Variants in HIRA observed in about 807,000 individuals in gnomAD.
HIRA encodes the protein protein HIRA.
Under a neutral mutation model 126.6 loss-of-function variants are expected in HIRA, and 13 were observed. The observed-to-expected ratio is 0.10, with a 90% CI of 0.07 to 0.16. The LOEUF is 0.16. Among genes scored for constraint, HIRA ranks in the 10% least tolerant of loss-of-function variants. The pLI, the probability that HIRA is intolerant of heterozygous loss-of-function variation, is 1.00. For synonymous variants in HIRA, 511 were observed against 520.0 expected, an observed-to-expected ratio of 0.98 and a Z score of 0.24; for missense variants, 834 against 1,314.4, an observed-to-expected ratio of 0.63 and a Z score of 5.65.
chr22:19,400,980 G>C (rs139478367), intron 5 of HIRA, among the ~76,000 whole-genome samples: 2 of 152,164 alleles, frequency 1.3e-5, no homozygotes, highest in Non-Finnish European at 2.9e-5. Context: ...TACTGATGCT[G>C]CCGTCCCCTC....
At chr22:19,338,611 G>A (rs1556006693) in intron 24 of HIRA, among the ~76,000 whole-genome samples, 11 of 152,168 alleles carry the variant, frequency 7.2e-5, no homozygotes. Context: ...TGAGGGTAAA[G>A]GGGTGAAAAA....
At chr22:19,336,576 G>C (rs1249183950) in intron 24 of HIRA, among the ~76,000 whole-genome samples, 2 of 152,334 alleles carry the variant, frequency 1.3e-5, no homozygotes, top group Non-Finnish European at 2.9e-5. Context: ...AGCATAACCA[G>C]CATTTGAGAA....
chr22:19,383,785 T>C, intron 12 of HIRA, 80 bp from the exon 13 acceptor site: 1 of 1,103,608 alleles, frequency 9.1e-7, no homozygotes, highest in East Asian at 2.4e-5. Flanking sequence ...AGTCTCTTTT[T>C]TTCCTGGTGA....
chr22:19,392,424 C>T (rs2089190737), intron 8 of HIRA, among the ~76,000 whole-genome samples: 1 of 152,152 alleles, frequency 6.6e-6, no homozygotes, highest in Admixed American at 6.5e-5. Flanking sequence ...TGCGGAGGCA[C>T]CAAATGAGTA....
intron 1 of HIRA, among the ~76,000 whole-genome samples, chr22:19,413,332 C>A (rs2089368919): frequency 6.6e-6 from 1 of 152,184 alleles, no homozygotes; most frequent in Non-Finnish European, 1.5e-5. Flanking sequence ...TGGCATTAAA[C>A]ATCATGGGCT....
rs1556004481 is a variant in HIRA, at chr22:19,331,260, C to T, written c.*180G>A. On this transcript the variant is annotated 3_prime_UTR_variant, in exon 25 of 25. Coordinates refer to ENST00000263208, the MANE Select transcript of HIRA (RefSeq NM_003325.4). ...GAGCTTCCCCCTCCTGAGGCAATGT[C>T]AGACCCAGGACACAGGGCACATCTG... 2 of 1,529,250 alleles carry T rather than the reference C, an allele frequency of 1.3e-6. No individual in the cohort carries two copies. Among genetic ancestry groups the T allele is most frequent in the East Asian group, 2.5e-5 (1 of 40,514 alleles). The allele number at this position is 1,529,250 out of a possible 1,614,324, so 94.7% of individuals were successfully genotyped here.
At chr22:19,353,032 A>C (rs1181609409) in intron 23 of HIRA, among the ~76,000 whole-genome samples, 1 of 152,262 alleles carries the variant, frequency 6.6e-6, no homozygotes, top group African/African-American at 2.4e-5. Flanking sequence ...GATTAGCAGC[A>C]CTGCCAAGTT....
At chr22:19,415,034 C>T (rs1003460183) in intron 1 of HIRA, among the ~76,000 whole-genome samples, 4 of 152,182 alleles carry the variant, frequency 2.6e-5, no homozygotes, top group Admixed American at 6.5e-5. Context: ...CAACCTCTAC[C>T]TCCTAAGTTC....
intron 5 of HIRA, among the ~76,000 whole-genome samples, chr22:19,402,832 G>A (rs1184238677): frequency 6.6e-6 from 1 of 152,174 alleles, no homozygotes; most frequent in Non-Finnish European, 1.5e-5. Context: ...TAGGACAGGT[G>A]TGGTGGCTTA....
intron 24 of HIRA, among the ~76,000 whole-genome samples, chr22:19,338,833 C>T (rs746737006): frequency 1.3e-5 from 2 of 152,160 alleles, no homozygotes; most frequent in Admixed American, 6.5e-5. Flanking sequence ...TAGTACTCAA[C>T]GTAAGAAATG....
At chr22:19,343,115 G>A (rs1320079426) in intron 24 of HIRA, among the ~76,000 whole-genome samples, 1 of 152,010 alleles carries the variant, frequency 6.6e-6, no homozygotes, top group Non-Finnish European at 1.5e-5. Flanking sequence ...AAGAGGGTGA[G>A]TGATAAAAGA....
intron 9 of HIRA, 148 bp downstream of exon 9, chr22:19,391,953 C>T (rs886375978): frequency 4.2e-6 from 2 of 477,922 alleles, no homozygotes; most frequent in Non-Finnish European, 7.6e-6. Context: ...AGCAGGAGAG[C>T]CTGTGAGCTT....
At chr22:19,375,420 T>C (rs550580903) in intron 15 of HIRA, among the ~76,000 whole-genome samples, 2 of 152,326 alleles carry the variant, frequency 1.3e-5, no homozygotes, top group Non-Finnish European at 2.9e-5. Flanking sequence ...TCCTCCCCCA[T>C]GACTCCTTCC....
chr22:19,349,558 A>G (rs531341765), intron 24 of HIRA, among the ~76,000 whole-genome samples: 1 of 152,348 alleles, frequency 6.6e-6, no homozygotes, highest in African/African-American at 2.4e-5. Context: ...CAAAACACCA[A>G]GATAGGATCC....
chr22:19,415,479 T>C (rs1245273564), intron 1 of HIRA, among the ~76,000 whole-genome samples: 1 of 152,180 alleles, frequency 6.6e-6, no homozygotes, highest in Admixed American at 6.6e-5. Context: ...ACTCATGGAC[T>C]AGAAGATTTA....
chr22:19,371,443 T>C (rs1037767114), intron 15 of HIRA, among the ~76,000 whole-genome samples: 2 of 152,228 alleles, frequency 1.3e-5, no homozygotes, highest in Non-Finnish European at 2.9e-5. Flanking sequence ...ATCTGGTTTT[T>C]TTTTGATAGT....
intron 8 of HIRA, among the ~76,000 whole-genome samples, chr22:19,392,828 C>T (rs1315210156): frequency 1.3e-5 from 2 of 152,142 alleles, no homozygotes; most frequent in African/African-American, 2.4e-5. Flanking sequence ...GGAACTACCC[C>T]GAGAGTAACT....
At chr22:19,383,559 C>T (rs918544745) in intron 13 of HIRA, 61 bp downstream of exon 13, 26 of 1,340,792 alleles carry the variant, frequency 1.9e-5, no homozygotes, top group Admixed American at 1.4e-4. Context: ...AAGTGTTAAC[C>T]GCTGAAAGAA....
chr22:19,394,744 GA>G (rs1397910319), intron 7 of HIRA, among the ~76,000 whole-genome samples: 1 of 152,168 alleles, frequency 6.6e-6, no homozygotes, highest in Non-Finnish European at 1.5e-5. Context: ...GCTGAACAAA[GA>G]AATATAGTAC....
Sources: gnomAD v4.1 joint callset for allele counts (sites outside exome capture counted in the v4.1 genomes callset) on GRCh38, gnomAD v4.1.1 for gene constraint, MANE v1.5 for transcripts, NCBI Gene and HGNC (gene_info 2026-07-23, HGNC 2026-07-21) for gene names.